SRSF1: variants seen among roughly 807,000 people sequenced by gnomAD.
The protein encoded by SRSF1 is serine/arginine-rich splicing factor 1.
Under a neutral mutation model 25.9 loss-of-function variants are expected in SRSF1, and 1 was observed. The ratio of observed to expected loss-of-function variants is 0.04; its 90% CI spans 0.01 to 0.18. The LOEUF (loss-of-function observed/expected upper bound fraction) is 0.18, where lower values mean the gene tolerates loss of function less well. Ranked by LOEUF, SRSF1 falls within the 10% of genes least tolerant of loss-of-function variation. The pLI is 1.00. For missense variants in SRSF1, 65 were observed against 350.5 expected (o/e 0.19, Z 6.50); for synonymous variants, 132 against 126.2 (o/e 1.05, Z -0.31).
rs1279541109 is a variant in SRSF1 at position 58,006,323 on chromosome 17, C to T, written c.379+20G>A. ...TAGTTTTCGTCCCTTCACATCAATC[C>T]ACACAACCAGTACACTCACCAGAGA... On this transcript the variant is annotated intron_variant, in intron 2 of 3. Transcript: ENST00000258962. 1 of 1,590,758 alleles carries T rather than the reference C, an allele frequency of 6.3e-7. No individual in the cohort carries two copies.
downstream of SRSF1, among the ~76,000 whole-genome samples, chr17:57,997,343 C>T (rs1243315287): frequency 6.6e-6 from 1 of 152,150 alleles, no homozygotes; most frequent in Admixed American, 6.5e-5. Context: ...ACCCAGTTAA[C>T]GAATAGCTTG....
intron 1 of SRSF1, 189 bp from the exon 2 acceptor site, chr17:58,006,716 C>T (rs1427153482): frequency 2.3e-6 from 2 of 887,442 alleles, no homozygotes; most frequent in Non-Finnish European, 1.7e-6. Context: ...GCCCTCAGCG[C>T]CTCAGTTTCC....
chr17:58,000,361 G>T (rs181360139), downstream of SRSF1, among the ~76,000 whole-genome samples: 2 of 152,250 alleles, frequency 1.3e-5, 1 homozygote, highest in East Asian at 3.9e-4. Flanking sequence ...AGACAATCAC[G>T]ATAGACATAA....
chr17:58,001,251 C>T lies in SRSF1; in HGVS notation c.*4155G>A, dbSNP rs1459446068. Among the ~76,000 whole-genome samples the T allele has an allele frequency of 2.0e-5, 3 of 152,086 alleles. No homozygotes were observed. The highest frequency in any genetic ancestry group is 7.2e-5 in the African/African-American group (3 of 41,412). ...AGCCCTAATGACCAAGACAATGTTTCAAAGACAACAAACACCAAGAAAAGT... is the reference window on the plus strand; with the variant it reads ...AGCCCTAATGACCAAGACAATGTTTTAAAGACAACAAACACCAAGAAAAGT... On this transcript the variant is annotated 3_prime_UTR_variant, in exon 4 of 4. Transcript: ENST00000258962.
In SRSF1 at chr17:58,002,101, A is replaced by C. The variant is rs186157666; in HGVS notation, c.*3305T>G. On this transcript the variant is annotated 3_prime_UTR_variant, in exon 4 of 4. Transcript: ENST00000258962. ...CATTTATTTTCCCTTTAATAATCTG[A>C]TGAATTTTTAAAATGTTCTACACAT... 5.3e-5 allele frequency among the ~76,000 whole-genome samples: 8 copies of C among 150,004 alleles called. No individual in the cohort carries two copies. Among genetic ancestry groups the C allele is most frequent in the Admixed American group, 5.3e-4 (8 of 15,210 alleles).
chr17:58,006,619 C>G (rs1194467944), intron 1 of SRSF1, 92 bp from the exon 2 acceptor site: 1 of 1,421,316 alleles, frequency 7.0e-7, no homozygotes, highest in Non-Finnish European at 9.4e-7. Context: ...ACATGCGCAC[C>G]CAACGTGGAA....
At chr17:57,997,771 A>G (rs1271791156), downstream of SRSF1, among the ~76,000 whole-genome samples, 2 of 152,184 alleles carry the variant, frequency 1.3e-5, no homozygotes, top group East Asian at 3.9e-4. Flanking sequence ...GTTAATCTAA[A>G]TCATAGATGC....
the SRSF1 span, chr17:57,994,439 T>G: frequency 6.6e-6 from 1 of 152,184 alleles, no homozygotes; most frequent in Admixed American, 6.5e-5. Context: ...GGTTTGGAGT[T>G]TGTTCCAGTG....
rs1260156976 is a variant in SRSF1 at position 58,005,811 on chromosome 17, C to T, written c.542G>A (p.Arg181Lys). Residue 181 changes from arginine to lysine, a missense_variant, in exon 3 of 4, where the codon AGA becomes AAA. Physicochemically the swap from Arg to Lys is conservative, Grantham distance 26 (BLOSUM62 2). This residue lies in a region of SRSF1 where 63 missense variants were observed against 284.8 expected (regional missense o/e 0.22). Coordinates refer to ENST00000258962, the MANE Select transcript of SRSF1 (RefSeq NM_006924.5). The surrounding 1 kb of genome is among the most constrained non-coding windows in gnomAD (Gnocchi z 5.2). ...ACGTGTATAACCTACCTCATGAGAT[C>T]TAAACTTAGTGTTATCCAGTTTTCG... ...AVRKLDNTKF[R>K]SHEGETAYIR... 6.2e-7 allele frequency: 1 copy of T among 1,614,126 alleles called. No homozygotes were observed. Among genetic ancestry groups the T allele is most frequent in the Admixed American group, 1.7e-5 (1 of 60,012 alleles).
In SRSF1 at chr17:58,005,334, A is replaced by G. The variant is rs2075419797; in HGVS notation, c.*72T>C. 2.0e-6 allele frequency: 3 copies of G among 1,533,274 alleles called. No homozygotes were observed. The highest frequency in any genetic ancestry group is 2.7e-6 in the Non-Finnish European group (3 of 1,124,088). 95.0% of individuals were successfully genotyped at this position (1,533,274 alleles called of 1,614,324 possible). ...CTGAACAAAACAGTTTGAATTAAAA[A>G]ATGAAAAGATTGTACTGAATAAAGG... On this transcript the variant is annotated 3_prime_UTR_variant, in exon 4 of 4. Transcript: ENST00000258962. This position sits in a 1 kb window ranked among gnomAD's most constrained non-coding sequence, Gnocchi z 5.2.
At chr17:57,998,986 A>G (rs2075374935), downstream of SRSF1, among the ~76,000 whole-genome samples, 1 of 152,234 alleles carries the variant, frequency 6.6e-6, no homozygotes, top group Non-Finnish European at 1.5e-5. Context: ...TTTTTTATAA[A>G]AGAAACCTGG....
At chr17:58,006,774 A>T in intron 1 of SRSF1, 170 bp downstream of exon 1, 1 of 947,588 alleles carries the variant, frequency 1.1e-6, no homozygotes, top group Non-Finnish European at 1.5e-6. Flanking sequence ...GCGAGGCGCC[A>T]GAGAAGCCAC....
At position 58,004,814 on chromosome 17, in the gene SRSF1, G is replaced by C. The variant is rs982968482; in HGVS notation, c.*592C>G. ...GTAGCTAAAGACAACTGAATAAAAT[G>C]TTTGCAAGTGTTTTAAGGAAAATGT... On this transcript the variant is annotated 3_prime_UTR_variant, in exon 4 of 4. Transcript: ENST00000258962. 29 of 396,472 alleles carry C rather than the reference G, an allele frequency of 7.3e-5. No individual in the cohort carries two copies. The highest frequency in any genetic ancestry group is 4.5e-4 in the African/African-American group (22 of 48,588). The allele number at this position is 396,472 out of a possible 1,614,324, so 24.6% of individuals were successfully genotyped here. A position where few individuals can be genotyped will look rare whatever the true frequency, so the allele number is the denominator to read the frequency against.
chr17:57,998,093 G>GT (rs769637062), downstream of SRSF1, among the ~76,000 whole-genome samples: 8 of 151,278 alleles, frequency 5.3e-5, no homozygotes, highest in Non-Finnish European at 7.3e-5. Context: ...ATGGGCACCT[G>GT]TAATACCAGC....
the SRSF1 span, chr17:57,989,455 T>C: frequency 5.0e-6 from 2 of 397,634 alleles, no homozygotes; most frequent in Admixed American, 8.8e-5. Context: ...CTGAATCTTA[T>C]CCCCTCCATT....
At chr17:58,006,099 A>G in intron 2 of SRSF1, 126 bp from the exon 3 acceptor site, 1 of 1,011,466 alleles carries the variant, frequency 9.9e-7, no homozygotes, top group South Asian at 1.7e-5. Context: ...TACCAGGTAA[A>G]GAGAGCTGGT....
downstream of SRSF1, among the ~76,000 whole-genome samples, chr17:57,996,145 T>C (rs2075363612): frequency 6.6e-6 from 1 of 152,190 alleles, no homozygotes; most frequent in Non-Finnish European, 1.5e-5. Context: ...GTGCAGGTAC[T>C]AGCATTCTGG....
At chr17:57,996,218 C>T (rs559252144), downstream of SRSF1, among the ~76,000 whole-genome samples, 129 of 152,238 alleles carry the variant, frequency 8.5e-4, no homozygotes, top group African/African-American at 2.9e-3. Context: ...GGCGCGGTGG[C>T]TTATGCCTGT....
chr17:58,006,108 G>C (rs990624791), intron 2 of SRSF1, 135 bp from the exon 3 acceptor site: 1 of 999,572 alleles, frequency 1.0e-6, no homozygotes, highest in Non-Finnish European at 1.4e-6. Flanking sequence ...AAGAGAGCTG[G>C]TAAGATTCTG....
Sources: allele counts gnomAD v4.1 joint callset (sites outside exome capture counted in the v4.1 genomes callset), GRCh38; gene constraint gnomAD v4.1.1; regional missense constraint gnomAD v4.1.1; non-coding constraint Gnocchi (gnomAD v3.1); transcripts MANE v1.5; gene names NCBI Gene and HGNC (gene_info 2026-07-23, HGNC 2026-07-21).